Variants in PCCA observed in about 807,000 individuals in gnomAD.
PCCA encodes the protein propionyl-CoA carboxylase alpha chain, mitochondrial.
In PCCA, 74 loss-of-function variants were observed where a neutral mutation model predicts 101.3. That is an observed-to-expected ratio of 0.73 (90% confidence interval 0.61 to 0.89). The LOEUF (loss-of-function observed/expected upper bound fraction) is 0.89, where lower values mean the gene tolerates loss of function less well. Among genes scored for constraint, PCCA ranks in the 40% least tolerant of loss-of-function variants. The pLI, the probability that PCCA is intolerant of heterozygous loss-of-function variation, is 0.00. For synonymous variants in PCCA, 294 were observed against 313.6 expected, an observed-to-expected ratio of 0.94 and a Z score of 0.66; for missense variants, 891 against 907.0, an observed-to-expected ratio of 0.98 and a Z score of 0.23.
intron 7 of PCCA, 49 bp from the exon 8 acceptor site, chr13:100,235,793 T>G (rs1233005099): frequency 7.5e-7 from 1 of 1,325,934 alleles, no homozygotes; most frequent in African/African-American, 1.4e-5. Context: ...AAAGACATTG[T>G]GCAATGCCTC....
chr13:100,278,999 A>G (rs1437329372), intron 12 of PCCA, among the ~76,000 whole-genome samples: 1 of 152,194 alleles, frequency 6.6e-6, no homozygotes, highest in Non-Finnish European at 1.5e-5. Flanking sequence ...GATATGAATC[A>G]GTGCTATAGA....
intron 6 of PCCA, among the ~76,000 whole-genome samples, chr13:100,186,696 G>A (rs571354055): frequency 1.3e-3 from 180 of 143,762 alleles, no homozygotes; most frequent in Non-Finnish European, 1.9e-3. Flanking sequence ...AGCCAAGATC[G>A]CATCACTGCA....
intron 12 of PCCA, among the ~76,000 whole-genome samples, chr13:100,295,841 C>T (rs1459200032): frequency 6.6e-6 from 1 of 152,216 alleles, no homozygotes; most frequent in Non-Finnish European, 1.5e-5. Flanking sequence ...TTAACACACA[C>T]TGCGTCTTTC....
chr13:100,094,368 A>G (rs1258865784), intron 1 of PCCA, among the ~76,000 whole-genome samples: 2 of 152,216 alleles, frequency 1.3e-5, no homozygotes, highest in Admixed American at 1.3e-4. Context: ...TAGTTGAAGC[A>G]AAATTATATT....
chr13:100,348,764 C>G (rs1353295003), intron 18 of PCCA, among the ~76,000 whole-genome samples: 13 of 87,866 alleles, frequency 1.5e-4, no homozygotes, highest in Non-Finnish European at 2.1e-4. Context: ...TTCTTTCTTT[C>G]TTTCTTTCTT....
At chr13:100,422,069 CTTT>C (rs59743956) in intron 19 of PCCA, among the ~76,000 whole-genome samples, 742 of 47,354 alleles carry the variant, frequency 0.016, 19 homozygotes, top group African/African-American at 0.057. Flanking sequence ...CTTCTCTTTT[CTTT>C]TCTTTCTTTC....
At chr13:100,249,723 A>T (rs1354502652) in intron 8 of PCCA, among the ~76,000 whole-genome samples, 1 of 152,092 alleles carries the variant, frequency 6.6e-6, no homozygotes, top group Non-Finnish European at 1.5e-5. Flanking sequence ...GATTATCTCT[A>T]CATTTAGATT....
At position 100,330,584 on chromosome 13, in the gene PCCA, C is replaced by T. The variant is rs1302157004; in HGVS notation, c.1453C>T (p.Leu485Phe). ...IRGVTHNIAL[L>F]REVIINSRFV... ...AGGTGTTACACATAATATTGCATTA[C>T]TTCGAGAGGTGATAATCAACTCACG... The change falls in exon 17 of 24, where the codon CTT becomes TTT. Residue 485 changes from leucine (L) to phenylalanine (F), a missense_variant. Physicochemically the swap from Leu to Phe is conservative, Grantham distance 22. Coordinates refer to ENST00000376285, the MANE Select transcript of PCCA (RefSeq NM_000282.4). The T allele has an allele frequency of 6.2e-7, 1 of 1,608,122 alleles. No individual in the cohort carries two copies. The highest frequency in any genetic ancestry group is 8.5e-7 in the Non-Finnish European group (1 of 1,174,992).
At chr13:100,142,477 T>G (rs2052000051) in intron 4 of PCCA, among the ~76,000 whole-genome samples, 1 of 146,120 alleles carries the variant, frequency 6.8e-6, no homozygotes. Context: ...TGAGCCTTCT[T>G]TTTTTTTTTT....
intron 16 of PCCA, among the ~76,000 whole-genome samples, chr13:100,320,805 G>A (rs1458142479): frequency 2.0e-5 from 3 of 152,162 alleles, no homozygotes; most frequent in Non-Finnish European, 4.4e-5. Flanking sequence ...AGGCTGGAGT[G>A]CAGTGGCACA....
intron 19 of PCCA, among the ~76,000 whole-genome samples, chr13:100,400,698 T>A (rs1286403455): frequency 7.0e-6 from 1 of 143,860 alleles, no homozygotes; most frequent in African/African-American, 2.6e-5. Context: ...TGATCTCAGC[T>A]CACTGCAACC....
In PCCA at chr13:100,471,364, T is replaced by G. The variant is rs147702572; in HGVS notation, c.1899+22059T>G. 3.0e-3 allele frequency among the ~76,000 whole-genome samples: 457 copies of G among 152,314 alleles called. 4 individuals carry two copies. The highest frequency in any genetic ancestry group is 0.017 in the Middle Eastern group (5 of 294). On this transcript the variant is annotated intron_variant, in intron 21 of 23. Coordinates refer to ENST00000376285, the MANE Select transcript of PCCA (RefSeq NM_000282.4). The stretch of plus-strand genomic sequence containing the variant: ...ACAACAGATAACGACGAAAATGGGT[T>G]TCCTAATAATGCAGAGGTTTGAAAT...
At chr13:100,097,554 T>G (rs1401330149) in intron 1 of PCCA, among the ~76,000 whole-genome samples, 3 of 152,054 alleles carry the variant, frequency 2.0e-5, no homozygotes, top group Non-Finnish European at 4.4e-5. Flanking sequence ...ACCCCATCTC[T>G]ACTAAAAATA....
At chr13:100,305,655 C>T in intron 14 of PCCA, 1 of 241,484 alleles carries the variant, frequency 4.1e-6, no homozygotes, top group Non-Finnish European at 8.6e-6. Context: ...GTTATGTAAC[C>T]CGTTTACTAG....
intron 12 of PCCA, among the ~76,000 whole-genome samples, chr13:100,295,057 C>G (rs763185181): frequency 3.3e-5 from 5 of 152,038 alleles, no homozygotes; most frequent in Non-Finnish European, 7.4e-5. Context: ...GGCTTATTTC[C>G]CAACATGCTT....
chr13:100,273,809 T>G (rs912211409), intron 12 of PCCA, among the ~76,000 whole-genome samples: 5 of 152,290 alleles, frequency 3.3e-5, no homozygotes, highest in Middle Eastern at 3.4e-3. Context: ...GTGAGGACGT[T>G]GAGAATCAAG....
intron 20 of PCCA, 92 bp from the exon 21 acceptor site, chr13:100,449,160 T>C: frequency 1.4e-6 from 1 of 707,524 alleles, no homozygotes. Context: ...CATCCATCAG[T>C]TGATGGACAT....
At chr13:100,529,390 A>C (rs2088170969) in intron 23 of PCCA, among the ~76,000 whole-genome samples, 1 of 152,176 alleles carries the variant, frequency 6.6e-6, no homozygotes, top group South Asian at 2.1e-4. Context: ...TTCAGGCCCA[A>C]GCAAGAGCCT....
intron 11 of PCCA, among the ~76,000 whole-genome samples, chr13:100,271,585 A>T (rs2063320778): frequency 1.3e-5 from 2 of 152,230 alleles, no homozygotes; most frequent in South Asian, 2.1e-4. Flanking sequence ...ACAGATTAAA[A>T]GAGTCTTAAG....
Sources: gnomAD v4.1 joint callset for allele counts (sites outside exome capture counted in the v4.1 genomes callset) on GRCh38, gnomAD v4.1.1 for gene constraint, MANE v1.5 for transcripts, NCBI Gene and HGNC (gene_info 2026-07-23, HGNC 2026-07-21) for gene names.